Variants in UBE2B observed in about 807,000 individuals in gnomAD.
The protein encoded by UBE2B is ubiquitin-conjugating enzyme E2 B.
In UBE2B, 11 loss-of-function variants were observed where a neutral mutation model predicts 24.6. The ratio of observed to expected loss-of-function variants is 0.45; its 90% CI spans 0.28 to 0.74. The LOEUF (loss-of-function observed/expected upper bound fraction) is 0.74. UBE2B is among the 30% of genes least tolerant of loss of function. The pLI is 0.13. For synonymous variants in UBE2B, 68 were observed against 62.4 expected, an observed-to-expected ratio of 1.09 and a Z score of -0.42; for missense variants, 78 against 185.6, an observed-to-expected ratio of 0.42 and a Z score of 3.37.
Position 134,380,713 on chromosome 5 carries a change from C to T in UBE2B, c.152-6C>T, listed in dbSNP as rs781758108. On this transcript the variant is annotated splice_region_variant and splice_polypyrimidine_tract_variant and intron_variant, in intron 3 of 5. Coordinates refer to ENST00000265339, the MANE Select transcript of UBE2B (RefSeq NM_003337.4). ...CTTTACTATAATTATTTTGTTTTCT[C>T]TCTAGGTACTTTTAAACTAGTAATA... The T allele has an allele frequency of 2.0e-6, 3 of 1,487,182 alleles. No homozygotes were observed. Among genetic ancestry groups the T allele is most frequent in the Admixed American group, 1.7e-5 (1 of 59,132 alleles). The allele number at this position is 1,487,182 out of a possible 1,614,324, so 92.1% of individuals were successfully genotyped here.
At chr5:134,377,956 G>T (rs1758636493) in intron 3 of UBE2B, among the ~76,000 whole-genome samples, 1 of 152,188 alleles carries the variant, frequency 6.6e-6, no homozygotes, top group Non-Finnish European at 1.5e-5. Context: ...CACTTTGGGA[G>T]GCTTAGGCAG....
Position 134,371,750 on chromosome 5 carries a change from C to G in UBE2B, c.44+111C>G, listed in dbSNP as rs952329927. The G allele has an allele frequency of 1.9e-5, 28 of 1,503,396 alleles. No homozygotes were observed. In the African/African-American group the frequency reaches 3.9e-4, roughly 21 times the overall value. The allele number at this position is 1,503,396 out of a possible 1,614,324, so 93.1% of individuals were successfully genotyped here. ...GACCCTCAGAGGGCCGGCTGTGGGC[C>G]CAGCGGGACTGGCGGAAGCCGGGTC... On this transcript the variant is annotated intron_variant, in intron 1 of 5. Coordinates refer to ENST00000265339, the MANE Select transcript of UBE2B (RefSeq NM_003337.4).
chr5:134,378,925 T>A (rs1006055578), intron 3 of UBE2B, among the ~76,000 whole-genome samples: 1 of 137,114 alleles, frequency 7.3e-6, no homozygotes. Flanking sequence ...CAAGACTCCA[T>A]CTCAAAAAAA....
chr5:134,375,859 G>C (rs1031328905), intron 2 of UBE2B, among the ~76,000 whole-genome samples: 1 of 151,048 alleles, frequency 6.6e-6, no homozygotes, highest in Non-Finnish European at 1.5e-5. Flanking sequence ...GATGAAATTG[G>C]GATGTGGGGA....
chr5:134,380,757 C>G lies in UBE2B; in HGVS notation c.190C>G (p.Pro64Ala). 1 of 1,590,882 alleles carries G rather than the reference C, an allele frequency of 6.3e-7. No homozygotes were observed. ...KLVIEFSEEY[P>A]NKPPTVRFLS... ...AGTAATAGAATTTTCTGAAGAATAT[C>G]CAAATAAACCACCAACTGTTAGGTT... is the stretch of plus-strand genomic sequence containing the variant. The change falls in exon 4 of 6, where the codon CCA becomes GCA. Residue 64 changes from proline to alanine, a missense_variant. By Grantham distance (27) the Pro-to-Ala change is conservative. Transcript: ENST00000265339.
Position 134,390,381 on chromosome 5 carries a change from A to T in UBE2B, c.*28A>T. 1 of 1,613,346 alleles carries T rather than the reference A, an allele frequency of 6.2e-7. No individual in the cohort carries two copies. The highest frequency in any genetic ancestry group is 8.5e-7 in the Non-Finnish European group (1 of 1,179,560). On this transcript the variant is annotated 3_prime_UTR_variant, in exon 6 of 6. Coordinates refer to ENST00000265339, the MANE Select transcript of UBE2B (RefSeq NM_003337.4). This position sits in a 1 kb window ranked among gnomAD's most constrained non-coding sequence, Gnocchi z 4.6. ...GACAACTGGTCTGTTAATCTTTTTC[A>T]TCATTGTTGTGTATAATTTACCTCT...
At chr5:134,388,202 C>A in intron 4 of UBE2B, 123 bp from the exon 5 acceptor site, 3 of 772,972 alleles carry the variant, frequency 3.9e-6, no homozygotes, top group Admixed American at 2.1e-5. Context: ...TCCTGTGATA[C>A]AGAAGAATTT....
intron 1 of UBE2B, among the ~76,000 whole-genome samples, 175 bp from the exon 2 acceptor site, chr5:134,374,197 GGTATTTAATAA>G (rs1399284037): frequency 1.3e-5 from 2 of 152,080 alleles, no homozygotes; most frequent in Non-Finnish European, 2.9e-5. Flanking sequence ...AATTTGGAGA[GGTATTTAATAA>G]GTATATATAC....
chr5:134,383,379 G>A (rs1382824444), intron 4 of UBE2B, among the ~76,000 whole-genome samples: 1 of 150,742 alleles, frequency 6.6e-6, no homozygotes, highest in Non-Finnish European at 1.5e-5. Context: ...GTGTGATCTC[G>A]ACTCATCGCA....
chr5:134,375,201 C>T (rs946729451), intron 2 of UBE2B, among the ~76,000 whole-genome samples: 1 of 152,066 alleles, frequency 6.6e-6, no homozygotes, highest in Non-Finnish European at 1.5e-5. Context: ...AGAATTTAAG[C>T]GAAAATGATT....
rs369722982 is a variant in UBE2B at position 134,376,713 on chromosome 5, G to A, written c.151+19G>A. The A allele has an allele frequency of 6.2e-7, 1 of 1,606,118 alleles. No homozygotes were observed. The highest frequency in any genetic ancestry group is 8.5e-7 in the Non-Finnish European group (1 of 1,175,816). The stretch of plus-strand genomic sequence containing the variant: ...GAAGATGGTAAGTCATACTCATTAT[G>A]TTTTCTATAGTGTTATGAGGTTACT... On this transcript the variant is annotated intron_variant, in intron 3 of 5. Coordinates refer to ENST00000265339, the MANE Select transcript of UBE2B (RefSeq NM_003337.4).
intron 4 of UBE2B, among the ~76,000 whole-genome samples, chr5:134,383,802 GTT>G (rs1482344130): frequency 6.6e-6 from 1 of 151,830 alleles, no homozygotes; most frequent in Non-Finnish European, 1.5e-5. Context: ...TTTTGATTGA[GTT>G]TTTTGTTTGT....
chr5:134,375,214 C>T (rs1445520614), intron 2 of UBE2B, among the ~76,000 whole-genome samples: 1 of 152,166 alleles, frequency 6.6e-6, no homozygotes, highest in Non-Finnish European at 1.5e-5. Context: ...AAATGATTCA[C>T]AGCCCAGTGT....
At chr5:134,388,171 C>T (rs1311962617) in intron 4 of UBE2B, 154 bp from the exon 5 acceptor site, 2 of 643,840 alleles carry the variant, frequency 3.1e-6, no homozygotes, top group East Asian at 5.5e-5. Flanking sequence ...AAATAAGAGA[C>T]CTTAGTTTTA....
At chr5:134,377,041 T>A (rs1758621110) in intron 3 of UBE2B, among the ~76,000 whole-genome samples, 1 of 152,218 alleles carries the variant, frequency 6.6e-6, no homozygotes, top group Admixed American at 6.5e-5. Context: ...TCTTTGATAT[T>A]GACAGGGTGT....
intron 4 of UBE2B, among the ~76,000 whole-genome samples, chr5:134,386,650 A>G (rs1417270789): frequency 6.6e-6 from 1 of 152,070 alleles, no homozygotes; most frequent in African/African-American, 2.4e-5. Context: ...AAAAAGGAAA[A>G]GAAAATAAGA....
At chr5:134,373,471 A>T (rs529332561) in intron 1 of UBE2B, among the ~76,000 whole-genome samples, 1 of 152,044 alleles carries the variant, frequency 6.6e-6, no homozygotes, top group African/African-American at 2.4e-5. Context: ...ATATACATCA[A>T]TTCTTTTTTT....
chr5:134,371,760 T>TGGCGGAAGCCGGGTCC, intron 1 of UBE2B, 121 bp downstream of exon 1: 1 of 1,459,972 alleles, frequency 6.8e-7, no homozygotes, highest in Non-Finnish European at 9.4e-7. Flanking sequence ...CCAGCGGGAC[T>TGGCGGAAGCCGGGTCC]GGCGGAAGCC....
intron 3 of UBE2B, among the ~76,000 whole-genome samples, chr5:134,380,314 C>G (rs1227584293): frequency 6.6e-6 from 1 of 152,238 alleles, no homozygotes; most frequent in African/African-American, 2.4e-5. Flanking sequence ...ATGATCTGGG[C>G]TCACTGCAAC....
Sources: allele counts gnomAD v4.1 joint callset (sites outside exome capture counted in the v4.1 genomes callset), GRCh38; gene constraint gnomAD v4.1.1; non-coding constraint Gnocchi (gnomAD v3.1); transcripts MANE v1.5; gene names NCBI Gene and HGNC (gene_info 2026-07-23, HGNC 2026-07-21).